The following TCF7L2 variants were observed in gnomAD, a reference collection of about 807,000 sequenced individuals.
The protein encoded by TCF7L2 is transcription factor 7-like 2.
A neutral mutation model predicts 77.9 loss-of-function variants in TCF7L2; 23 were observed. The ratio of observed to expected loss-of-function variants is 0.30; its 90% CI spans 0.21 to 0.42. TCF7L2 has a LOEUF of 0.42. TCF7L2 is among the 10% of genes least tolerant of loss of function. The pLI is 1.00. For missense variants in TCF7L2, 654 were observed against 793.1 expected (o/e 0.82, Z 2.11); for synonymous variants, 413 against 340.2 (o/e 1.21, Z -2.36).
chr10:113,141,997 T>TTTGTTG (rs529175664), intron 6 of TCF7L2, among the ~76,000 whole-genome samples: 1 of 152,148 alleles, frequency 6.6e-6, no homozygotes, highest in Non-Finnish European at 1.5e-5. Flanking sequence ...TCAACGTCTT[T>TTTGTTG]TTGTTGTTGT....
At chr10:112,963,818 A>G (rs376767276) in intron 3 of TCF7L2, among the ~76,000 whole-genome samples, 33 of 152,212 alleles carry the variant, frequency 2.2e-4, no homozygotes, top group African/African-American at 7.9e-4. Context: ...GACCTTGGGG[A>G]GGGTCTGAGC....
At chr10:113,057,867 CAT>C (rs1740436816) in intron 5 of TCF7L2, among the ~76,000 whole-genome samples, 1 of 152,114 alleles carries the variant, frequency 6.6e-6, no homozygotes, top group Admixed American at 6.6e-5. Context: ...GGTAATTTCA[CAT>C]AGTGACAGGA....
chr10:113,064,862 T>C (rs1489959321), intron 5 of TCF7L2, among the ~76,000 whole-genome samples: 1 of 152,250 alleles, frequency 6.6e-6, no homozygotes, highest in East Asian at 1.9e-4. Context: ...CATTGATTTT[T>C]CAGCTGAAGC....
chr10:113,097,663 A>AC (rs2061177548), intron 5 of TCF7L2, among the ~76,000 whole-genome samples: 1 of 149,108 alleles, frequency 6.7e-6, no homozygotes, highest in Non-Finnish European at 1.5e-5. Context: ...AAAAAAAAAA[A>AC]AAAAAAAAAA....
At position 113,142,745 on chromosome 10, in the gene TCF7L2, G is replaced by A. The variant is rs571811222; in HGVS notation, c.686-1178G>A. On this transcript the variant is annotated intron_variant, in intron 6 of 13. Coordinates refer to ENST00000627217, the MANE Select transcript of TCF7L2 (RefSeq NM_001146274.2). ...CCAGGCTCCACCAGTGAATGGCAGC[G>A]TCAACGTCTCATTTAAATAATGGTA... 1.9e-4 allele frequency among the ~76,000 whole-genome samples: 29 copies of A among 152,334 alleles called. 1 individual carries two copies. Among genetic ancestry groups the A allele is most frequent in the African/African-American group, 5.3e-4 (22 of 41,574 alleles).
intron 4 of TCF7L2, among the ~76,000 whole-genome samples, chr10:113,029,819 G>A (rs758105018): frequency 1.1e-4 from 17 of 151,974 alleles, no homozygotes; most frequent in East Asian, 3.9e-4. Flanking sequence ...GTGAGCCACC[G>A]CGCCAAGCCT....
rs1046944442 is a variant in TCF7L2 at position 113,151,933 on chromosome 10, C to A, written c.1161+49C>A. ...GAAGCGGGGGGCGGGTGGTGAGGGA[C>A]CAGAGTGCAGCAGGTCAGGTGGCAG... is the stretch of plus-strand genomic sequence containing the variant. On this transcript the variant is annotated intron_variant, in intron 10 of 13. Transcript: ENST00000627217. This position sits in a 1 kb window ranked among gnomAD's most constrained non-coding sequence, Gnocchi z 5.2. 6.4e-7 allele frequency: 1 copy of A among 1,558,922 alleles called. No homozygotes were observed. Among genetic ancestry groups the A allele is most frequent in the Admixed American group, 2.0e-5 (1 of 49,074 alleles).
chr10:112,956,774 C>T (rs1291795725), intron 3 of TCF7L2, among the ~76,000 whole-genome samples: 1 of 152,174 alleles, frequency 6.6e-6, no homozygotes, highest in African/African-American at 2.4e-5. Flanking sequence ...ATTTACAGCC[C>T]ATAACACTTA....
intron 5 of TCF7L2, among the ~76,000 whole-genome samples, chr10:113,060,683 G>A (rs1220681054): frequency 6.6e-6 from 1 of 152,074 alleles, no homozygotes; most frequent in African/African-American, 2.4e-5. Context: ...AAAAGAGCAG[G>A]TTTTTCCCAG....
intron 5 of TCF7L2, among the ~76,000 whole-genome samples, chr10:113,064,024 G>C (rs1195409033): frequency 6.6e-6 from 1 of 152,100 alleles, no homozygotes; most frequent in East Asian, 1.9e-4. Flanking sequence ...GGGAACTCCT[G>C]CGAGGAAGGG....
At chr10:112,994,076 A>G (rs2043061998) in intron 4 of TCF7L2, among the ~76,000 whole-genome samples, 1 of 151,436 alleles carries the variant, frequency 6.6e-6, no homozygotes, top group Non-Finnish European at 1.5e-5. Context: ...AAAAGAAAGT[A>G]GCAGCTCTAC....
At chr10:113,053,067 C>A (rs991057629) in intron 5 of TCF7L2, among the ~76,000 whole-genome samples, 46 of 152,152 alleles carry the variant, frequency 3.0e-4, no homozygotes, top group African/African-American at 1.1e-3. Flanking sequence ...GGGACACAGG[C>A]ACAGCTCTCA....
At chr10:112,989,099 A>C (rs2042082921) in intron 4 of TCF7L2, among the ~76,000 whole-genome samples, 1 of 152,146 alleles carries the variant, frequency 6.6e-6, no homozygotes, top group African/African-American at 2.4e-5. Flanking sequence ...TTTCTCTTTG[A>C]GAATGCTAAC....
intron 4 of TCF7L2, among the ~76,000 whole-genome samples, chr10:113,011,305 T>C (rs1414189039): frequency 6.6e-6 from 1 of 152,124 alleles, no homozygotes; most frequent in Admixed American, 6.5e-5. Context: ...GAAGGAAAGA[T>C]GGGGTTAACC....
chr10:112,962,857 C>G (rs547514652), intron 3 of TCF7L2, among the ~76,000 whole-genome samples: 4 of 152,176 alleles, frequency 2.6e-5, no homozygotes, highest in Admixed American at 6.5e-5. Flanking sequence ...CCTCAGCCCC[C>G]CAAAGTGCTG....
intron 4 of TCF7L2, chr10:112,987,859 T>C: frequency 5.8e-6 from 1 of 172,450 alleles, no homozygotes; most frequent in Admixed American, 5.3e-5. Context: ...GGGATTCTTT[T>C]TCTAGGGGTG....
chr10:113,014,447 G>A (rs1048181075), intron 4 of TCF7L2, among the ~76,000 whole-genome samples: 2 of 152,216 alleles, frequency 1.3e-5, no homozygotes, highest in African/African-American at 4.8e-5. Flanking sequence ...TTTATTGGTT[G>A]ATTATGTCAA....
intron 5 of TCF7L2, among the ~76,000 whole-genome samples, chr10:113,046,711 G>T (rs1053597268): frequency 2.0e-5 from 3 of 152,116 alleles, no homozygotes; most frequent in Admixed American, 1.3e-4. Context: ...TAAAGTAAGT[G>T]AAATTTATTT....
chr10:112,952,396 G>A (rs1352810115), intron 3 of TCF7L2, among the ~76,000 whole-genome samples: 1 of 152,082 alleles, frequency 6.6e-6, no homozygotes, highest in Admixed American at 6.5e-5. Context: ...GGCGGGCTCC[G>A]CTGCCCGGCG....
Sources: gnomAD v4.1 joint callset for allele counts (sites outside exome capture counted in the v4.1 genomes callset) on GRCh38, gnomAD v4.1.1 for gene constraint, Gnocchi (gnomAD v3.1) non-coding constraint, MANE v1.5 for transcripts, NCBI Gene and HGNC (gene_info 2026-07-23, HGNC 2026-07-21) for gene names.